PCSK5: variants seen among roughly 807,000 people sequenced by gnomAD.
PCSK5 encodes the protein prohormone convertase 5.
PCSK5 carries 129 observed loss-of-function variants against 233.2 expected under a neutral mutation model. That is an observed-to-expected ratio of 0.55 (90% CI 0.48 to 0.64). The LOEUF is 0.64. PCSK5 is among the 30% of genes least tolerant of loss of function. The pLI, the probability that PCSK5 is intolerant of heterozygous loss-of-function variation, is 0.00. For synonymous variants in PCSK5, 825 were observed against 879.2 expected (o/e 0.94, Z 1.09); for missense variants, 2,076 against 2,430.1 (o/e 0.85, Z 3.06).
intron 20 of PCSK5, among the ~76,000 whole-genome samples, chr9:76,208,082 G>A (rs968982070): frequency 2.0e-5 from 3 of 152,088 alleles, no homozygotes; most frequent in East Asian, 1.9e-4. Flanking sequence ...TCACCGTAAC[G>A]AACCCACTTT....
At chr9:75,955,072 T>C (rs1825032572) in intron 2 of PCSK5, among the ~76,000 whole-genome samples, 1 of 152,202 alleles carries the variant, frequency 6.6e-6, no homozygotes, top group African/African-American at 2.4e-5. Context: ...AAGGGAAACC[T>C]AGTATTTGTC....
chr9:76,171,256 T>C (rs940899726), intron 13 of PCSK5, among the ~76,000 whole-genome samples: 5 of 152,154 alleles, frequency 3.3e-5, no homozygotes, highest in Non-Finnish European at 5.9e-5. Flanking sequence ...CTTATTGCCC[T>C]GCCATGAGGT....
intron 5 of PCSK5, among the ~76,000 whole-genome samples, chr9:76,030,630 CAAT>C (rs1167077877): frequency 3.9e-5 from 6 of 152,064 alleles, no homozygotes; most frequent in Non-Finnish European, 8.8e-5. Flanking sequence ...TTATATTCAA[CAAT>C]GTTTCCTGCA....
chr9:76,129,933 G>GAA (rs1271617409), intron 9 of PCSK5, among the ~76,000 whole-genome samples: 3 of 152,084 alleles, frequency 2.0e-5, no homozygotes, highest in Non-Finnish European at 2.9e-5. Flanking sequence ...TAGAAAACTA[G>GAA]AAGTGTTTAA....
At chr9:76,226,167 G>A (rs1825883482) in intron 20 of PCSK5, among the ~76,000 whole-genome samples, 1 of 152,136 alleles carries the variant, frequency 6.6e-6, no homozygotes, top group South Asian at 2.1e-4. Context: ...TTAGATGTTT[G>A]CATCACTCTG....
intron 5 of PCSK5, among the ~76,000 whole-genome samples, chr9:76,054,547 G>C (rs180727663): frequency 3.6e-4 from 55 of 152,290 alleles, no homozygotes; most frequent in African/African-American, 1.2e-3. Context: ...TTGACCACTT[G>C]AGTTGATGTT....
intron 21 of PCSK5, among the ~76,000 whole-genome samples, chr9:76,229,817 T>A (rs544707038): frequency 6.6e-6 from 1 of 152,362 alleles, no homozygotes; most frequent in Admixed American, 6.5e-5. Flanking sequence ...TCTGCCCAGC[T>A]GCTTAGCACT....
rs755425375 is a variant in PCSK5 at position 76,310,836 on chromosome 9, A to T, written c.3869A>T (p.Tyr1290Phe). ...HPLFLHEGRC[Y>F]SKCPEGSYAE... Reference sequence around the variant, plus strand: ...CTCTTCCTCCATGAAGGCAGGTGCTACTCCAAGTGCCCGGAGTAAGTTTCC... The same window carrying T: ...CTCTTCCTCCATGAAGGCAGGTGCTTCTCCAAGTGCCCGGAGTAAGTTTCC... The change falls in exon 30 of 38, where the codon TAC becomes TTC. Residue 1290 changes from tyrosine to phenylalanine, a missense_variant. Physicochemically the swap from Tyr to Phe is conservative, Grantham distance 22. Coordinates refer to ENST00000674117, the MANE Select transcript of PCSK5 (RefSeq NM_001372043.1). 13 of 1,599,330 alleles carry T rather than the reference A, an allele frequency of 8.1e-6. No individual in the cohort carries two copies. Among genetic ancestry groups the T allele is most frequent in the Middle Eastern group, 1.7e-4 (1 of 6,022 alleles).
chr9:75,978,801 T>C (rs115263195), intron 2 of PCSK5, among the ~76,000 whole-genome samples: 1,693 of 152,162 alleles, frequency 0.011, 33 homozygotes, highest in African/African-American at 0.039. Context: ...TTCTGATTCC[T>C]AGTACAATGA....
chr9:75,934,359 C>T (rs1312399397), intron 2 of PCSK5, among the ~76,000 whole-genome samples: 1 of 152,176 alleles, frequency 6.6e-6, no homozygotes, highest in Non-Finnish European at 1.5e-5. Context: ...GGGGTTTGCC[C>T]ACACTTTCGG....
chr9:76,274,699 T>C (rs1324818001), intron 24 of PCSK5, among the ~76,000 whole-genome samples: 2 of 152,374 alleles, frequency 1.3e-5, no homozygotes, highest in East Asian at 3.9e-4. Flanking sequence ...AGCTTAGGGT[T>C]ACACATTCTC....
At chr9:75,981,970 C>A (rs951599849) in intron 2 of PCSK5, among the ~76,000 whole-genome samples, 4 of 152,288 alleles carry the variant, frequency 2.6e-5, no homozygotes, top group Non-Finnish European at 5.9e-5. Context: ...TAGAAGGCAT[C>A]CCTCTTATCT....
chr9:76,263,559 A>G (rs1298748192), intron 24 of PCSK5, among the ~76,000 whole-genome samples: 2 of 151,286 alleles, frequency 1.3e-5, no homozygotes, highest in Non-Finnish European at 2.9e-5. Context: ...ATTCTCACTC[A>G]TAGGTGGGAA....
intron 32 of PCSK5, among the ~76,000 whole-genome samples, chr9:76,323,906 G>A (rs1829283115): frequency 6.7e-6 from 1 of 149,952 alleles, no homozygotes; most frequent in Non-Finnish European, 1.5e-5. Flanking sequence ...GACTTTCTTG[G>A]TGCCTCTTGT....
chr9:76,145,473 TC>T (rs529638170), intron 10 of PCSK5, among the ~76,000 whole-genome samples: 14 of 151,496 alleles, frequency 9.2e-5, no homozygotes, highest in Admixed American at 2.0e-4. Flanking sequence ...AAATACCACC[TC>T]CCCCCCAGCT....
intron 20 of PCSK5, among the ~76,000 whole-genome samples, chr9:76,202,727 C>T (rs1258112164): frequency 6.6e-6 from 1 of 152,218 alleles, no homozygotes; most frequent in East Asian, 1.9e-4. Context: ...TGATCCTTAA[C>T]AGAGAAGGTT....
At chr9:76,124,238 A>G (rs1211843878) in intron 9 of PCSK5, among the ~76,000 whole-genome samples, 1 of 152,146 alleles carries the variant, frequency 6.6e-6, no homozygotes, top group African/African-American at 2.4e-5. Context: ...CCACACCTGT[A>G]AAAGGGGAAT....
chr9:76,285,713 C>G (rs17062343), intron 24 of PCSK5, among the ~76,000 whole-genome samples: 2,365 of 152,082 alleles, frequency 0.016, 64 homozygotes, highest in African/African-American at 0.053. Flanking sequence ...ATGGCCAATT[C>G]TGGCAGATAT....
chr9:76,323,353 C>A, intron 32 of PCSK5, 65 bp downstream of exon 32: 1 of 899,546 alleles, frequency 1.1e-6, no homozygotes. Flanking sequence ...AGCCCCAGCG[C>A]CAGAGCTGTC....
Sources: allele counts gnomAD v4.1 joint callset (sites outside exome capture counted in the v4.1 genomes callset), GRCh38; gene constraint gnomAD v4.1.1; transcripts MANE v1.5; gene names NCBI Gene and HGNC (gene_info 2026-07-23, HGNC 2026-07-21).